Variants in DLGAP2 observed in about 807,000 individuals in gnomAD.
The protein encoded by DLGAP2 is DLG associated protein 2.
In DLGAP2, 26 loss-of-function variants were observed where a neutral mutation model predicts 100.3. That is an observed-to-expected ratio of 0.26 (90% CI 0.19 to 0.36). The LOEUF (loss-of-function observed/expected upper bound fraction) is 0.36. Ranked by LOEUF, DLGAP2 falls within the 10% of genes least tolerant of loss-of-function variation. The pLI, the probability that DLGAP2 is intolerant of heterozygous loss-of-function variation, is 1.00. For synonymous variants in DLGAP2, 886 were observed against 630.1 expected, an observed-to-expected ratio of 1.41 and a Z score of -6.08; for missense variants, 1,858 against 1,453.2, an observed-to-expected ratio of 1.28 and a Z score of -4.53.
chr8:858,932 A>G (rs554253510), intron 1 of DLGAP2, among the ~76,000 whole-genome samples: 59 of 152,256 alleles, frequency 3.9e-4, no homozygotes, highest in African/African-American at 1.3e-3. Flanking sequence ...TCACACTAAC[A>G]TAAGCTGTTA....
intron 1 of DLGAP2, among the ~76,000 whole-genome samples, chr8:777,919 C>G (rs1472929297): frequency 6.6e-6 from 1 of 152,192 alleles, no homozygotes; most frequent in African/African-American, 2.4e-5. Flanking sequence ...TGGGGAAGTT[C>G]TCCTGAGTAA....
intron 6 of DLGAP2, among the ~76,000 whole-genome samples, chr8:1,586,892 C>T (rs1318969217): frequency 6.6e-6 from 1 of 152,194 alleles, no homozygotes; most frequent in Non-Finnish European, 1.5e-5. Flanking sequence ...GCATGTGGCT[C>T]CCTCTGAAGC....
Position 1,063,779 on chromosome 8 carries a change from C to T in DLGAP2, c.73+155813C>T, listed in dbSNP as rs114841090. ...GGTTTGTGCATATTTAGGTGGGTAT[C>T]GACTATTTCATTCATAATTTTGTTC... On this transcript the variant is annotated intron_variant, in intron 2 of 14. Transcript: ENST00000637795. Among the ~76,000 whole-genome samples, 1,274 of 152,170 alleles carry T rather than the reference C, an allele frequency of 8.4e-3. 24 individuals are homozygous for T. Among genetic ancestry groups the T allele is most frequent in the African/African-American group, 0.028 (1,175 of 41,516 alleles).
At chr8:1,370,438 G>A (rs979362224) in intron 3 of DLGAP2, among the ~76,000 whole-genome samples, 2 of 152,176 alleles carry the variant, frequency 1.3e-5, no homozygotes, top group African/African-American at 2.4e-5. Flanking sequence ...AAATAGTGAG[G>A]TGGAAAATGA....
At chr8:900,904 G>A (rs1461441157) in intron 1 of DLGAP2, among the ~76,000 whole-genome samples, 1 of 152,188 alleles carries the variant, frequency 6.6e-6, no homozygotes, top group Non-Finnish European at 1.5e-5. Context: ...AGAAGTTCCA[G>A]GAGAAGAGAA....
At chr8:1,067,604 C>CGT (rs3220190) in intron 2 of DLGAP2, among the ~76,000 whole-genome samples, 53,614 of 140,066 alleles carry the variant, frequency 0.38, 10,162 homozygotes, top group East Asian at 0.55. Context: ...GGTTGAGTGA[C>CGT]GTGTGTGTGT....
intron 2 of DLGAP2, among the ~76,000 whole-genome samples, chr8:945,908 C>G (rs1344589051): frequency 2.0e-5 from 3 of 151,946 alleles, no homozygotes. Flanking sequence ...CCCATGTTTC[C>G]TTGAAGACAT....
intron 3 of DLGAP2, chr8:1,373,918 T>C (rs1317624392): frequency 2.6e-5 from 4 of 152,610 alleles, no homozygotes; most frequent in African/African-American, 9.6e-5. Context: ...GTAACGGGCA[T>C]TCTCTGTTTG....
chr8:1,190,893 G>A (rs943984418), intron 2 of DLGAP2, among the ~76,000 whole-genome samples: 1 of 152,104 alleles, frequency 6.6e-6, no homozygotes, highest in African/African-American at 2.4e-5. Flanking sequence ...TTCAGTGCAC[G>A]GGGCGTGTTT....
chr8:1,308,970 T>C (rs1800552940), intron 3 of DLGAP2, among the ~76,000 whole-genome samples: 1 of 152,050 alleles, frequency 6.6e-6, no homozygotes, highest in African/African-American at 2.4e-5. Context: ...AATGAAAAAT[T>C]TACTCTAGAG....
At chr8:1,315,236 C>G (rs1218147227) in intron 3 of DLGAP2, among the ~76,000 whole-genome samples, 1 of 152,026 alleles carries the variant, frequency 6.6e-6, no homozygotes, top group African/African-American at 2.4e-5. Flanking sequence ...AGTACAGTGT[C>G]TCTCCAGCAG....
At chr8:1,022,969 T>C (rs989292183) in intron 2 of DLGAP2, among the ~76,000 whole-genome samples, 14 of 152,218 alleles carry the variant, frequency 9.2e-5, no homozygotes, top group African/African-American at 3.4e-4. Flanking sequence ...CATGTGAATG[T>C]CCTCACAGGG....
chr8:1,383,936 C>T (rs944981320), intron 3 of DLGAP2, among the ~76,000 whole-genome samples: 5 of 152,144 alleles, frequency 3.3e-5, no homozygotes, highest in African/African-American at 7.2e-5. Context: ...TTCTCTTCTC[C>T]GATGTGTTAC....
At chr8:1,392,558 G>A (rs966152423) in intron 3 of DLGAP2, among the ~76,000 whole-genome samples, 6 of 152,192 alleles carry the variant, frequency 3.9e-5, no homozygotes, top group South Asian at 2.1e-4. Flanking sequence ...GACCTTGTCC[G>A]AAAAGGCCCA....
intron 6 of DLGAP2, among the ~76,000 whole-genome samples, chr8:1,569,317 A>G (rs1450351455): frequency 6.6e-6 from 1 of 152,266 alleles, no homozygotes; most frequent in Non-Finnish European, 1.5e-5. Flanking sequence ...AACTCGATTT[A>G]TACGTGCCCC....
chr8:1,082,250 T>A (rs1010478373), intron 2 of DLGAP2, among the ~76,000 whole-genome samples: 1 of 152,246 alleles, frequency 6.6e-6, no homozygotes, highest in Non-Finnish European at 1.5e-5. Flanking sequence ...TGTTTGTAAT[T>A]TGAAAATTGT....
At chr8:819,144 A>G (rs1192732579) in intron 1 of DLGAP2, among the ~76,000 whole-genome samples, 1 of 152,230 alleles carries the variant, frequency 6.6e-6, no homozygotes, top group Admixed American at 6.5e-5. Flanking sequence ...TTGCTACCCA[A>G]AATGTTAGCC....
chr8:1,347,919 T>C (rs1358747009), intron 3 of DLGAP2, among the ~76,000 whole-genome samples: 1 of 151,252 alleles, frequency 6.6e-6, no homozygotes, highest in African/African-American at 2.4e-5. Flanking sequence ...TACATTGCAC[T>C]CATGGTAGCT....
At chr8:1,595,381 C>T (rs978122912) in intron 6 of DLGAP2, among the ~76,000 whole-genome samples, 2 of 152,068 alleles carry the variant, frequency 1.3e-5, no homozygotes, top group Non-Finnish European at 2.9e-5. Context: ...AGAAATAGGT[C>T]GGCCGGGCGC....
Sources: allele counts gnomAD v4.1 joint callset (sites outside exome capture counted in the v4.1 genomes callset), GRCh38; gene constraint gnomAD v4.1.1; transcripts MANE v1.5; gene names NCBI Gene and HGNC (gene_info 2026-07-23, HGNC 2026-07-21).